DCP1A: variants seen among roughly 807,000 people sequenced by gnomAD.
DCP1A encodes decapping mRNA 1A.
DCP1A carries 20 observed loss-of-function variants against 58.0 expected under a neutral mutation model. The ratio of observed to expected loss-of-function variants is 0.34; its 90% confidence interval spans 0.24 to 0.50. The LOEUF is 0.50. Ranked by LOEUF, DCP1A falls within the 20% of genes least tolerant of loss-of-function variation. The probability of loss-of-function intolerance (pLI) is 0.98; values close to 1 mark genes in which losing one functional copy is unlikely to be tolerated. For synonymous variants in DCP1A, 285 were observed against 275.1 expected, an observed-to-expected ratio of 1.04 and a Z score of -0.36; for missense variants, 613 against 712.2, an observed-to-expected ratio of 0.86 and a Z score of 1.59.
At chr3:53,290,071 T>C (rs572732060) in intron 8 of DCP1A, among the ~76,000 whole-genome samples, 1 of 152,118 alleles carries the variant, frequency 6.6e-6, no homozygotes. Flanking sequence ...CAGAAGCTGG[T>C]TCCCATTTAA....
chr3:53,330,385 C>T (rs1055220451), intron 3 of DCP1A, among the ~76,000 whole-genome samples: 1 of 151,928 alleles, frequency 6.6e-6, no homozygotes, highest in African/African-American at 2.4e-5. Context: ...TTTGCAGAGA[C>T]CCTATCTCTA....
At chr3:53,301,830 T>C (rs2106815945) in intron 6 of DCP1A, among the ~76,000 whole-genome samples, 1 of 152,346 alleles carries the variant, frequency 6.6e-6, no homozygotes. Flanking sequence ...TCAGGAATTA[T>C]GCTGAGTGAA....
At chr3:53,339,862 A>G (rs573372052) in intron 3 of DCP1A, among the ~76,000 whole-genome samples, 74 of 152,328 alleles carry the variant, frequency 4.9e-4, no homozygotes, top group African/African-American at 1.7e-3. Context: ...TAAAGAACAG[A>G]ATTAAGCCTA....
intron 3 of DCP1A, among the ~76,000 whole-genome samples, chr3:53,323,934 G>C (rs1708042505): frequency 6.7e-6 from 1 of 149,650 alleles, no homozygotes; most frequent in Non-Finnish European, 1.5e-5. Context: ...AATTTTTTCT[G>C]TGCTAAACAG....
intron 5 of DCP1A, among the ~76,000 whole-genome samples, chr3:53,308,862 A>G (rs1490047926): frequency 1.3e-5 from 2 of 152,158 alleles, no homozygotes; most frequent in Non-Finnish European, 2.9e-5. Context: ...CGGCCTCCCA[A>G]GGTGCTGGAA....
intron 5 of DCP1A, among the ~76,000 whole-genome samples, chr3:53,309,117 A>G (rs1707568329): frequency 6.6e-6 from 1 of 152,148 alleles, no homozygotes. Context: ...CACGCCTGTA[A>G]TCCCAGGACT....
chr3:53,311,281 T>C (rs1707635786), intron 5 of DCP1A, among the ~76,000 whole-genome samples: 1 of 152,176 alleles, frequency 6.6e-6, no homozygotes, highest in Admixed American at 6.5e-5. Context: ...AAGCACTTAA[T>C]TCAATATTTA....
chr3:53,316,222 T>C (rs1277197689), intron 4 of DCP1A, among the ~76,000 whole-genome samples: 1 of 152,184 alleles, frequency 6.6e-6, no homozygotes, highest in Non-Finnish European at 1.5e-5. Context: ...GAGGTGATAT[T>C]CTCAAATATG....
chr3:53,335,724 T>A (rs1466299898), intron 3 of DCP1A, among the ~76,000 whole-genome samples: 1 of 152,258 alleles, frequency 6.6e-6, no homozygotes, highest in Non-Finnish European at 1.5e-5. Flanking sequence ...AATTAACTGT[T>A]GAATCCAAGT....
chr3:53,347,534 T>C lies in DCP1A; in HGVS notation c.-17A>G. The C allele has an allele frequency of 6.2e-7, 1 of 1,601,462 alleles. No individual in the cohort carries two copies. Among genetic ancestry groups the C allele is most frequent in the Non-Finnish European group, 8.5e-7 (1 of 1,174,334 alleles). On this transcript the variant is annotated 5_prime_UTR_variant, in exon 1 of 10. Coordinates refer to ENST00000610213, the MANE Select transcript of DCP1A (RefSeq NM_018403.7). ...CGCCTCCATCTTGAATCCCAGAGCC[T>C]AGCCCCTCTGGTGGGGGCGGAGTCG...
At chr3:53,326,638 G>A (rs1320779350) in intron 3 of DCP1A, among the ~76,000 whole-genome samples, 19 of 152,160 alleles carry the variant, frequency 1.2e-4, no homozygotes, top group Non-Finnish European at 1.5e-5. Flanking sequence ...ACATACGAGG[G>A]ATCTAGATTG....
In DCP1A at chr3:53,297,574, T is replaced by C. The variant is rs1707172675; in HGVS notation, c.625-4747A>G. On this transcript the variant is annotated intron_variant, in intron 6 of 9. Transcript: ENST00000610213. ...TGGCATTTCACCATGTTGGCCAGGC[T>C]GTTCTTGAACTTCTGACCTCAGGTG... Among the ~76,000 whole-genome samples, 3 of 152,152 alleles carry C rather than the reference T, an allele frequency of 2.0e-5. No homozygotes were observed. The South Asian group carries it at 6.2e-4, about 32-fold the overall frequency.
chr3:53,346,882 G>T (rs2089298436), intron 1 of DCP1A, among the ~76,000 whole-genome samples: 1 of 150,638 alleles, frequency 6.6e-6, no homozygotes, highest in Admixed American at 6.6e-5. Context: ...CTCCTTCCAA[G>T]AATCGAAACT....
Position 53,347,434 on chromosome 3 carries a change from G to A in DCP1A, c.84C>T (p.Asp28=). The A allele has an allele frequency of 6.2e-7, 1 of 1,613,610 alleles. No individual in the cohort carries two copies. Among genetic ancestry groups the A allele is most frequent in the South Asian group, 1.1e-5 (1 of 91,080 alleles). The change falls in exon 1 of 10, where the codon GAC becomes GAT. Residue 28 remains aspartate (D), a synonymous_variant. Coordinates refer to ENST00000610213, the MANE Select transcript of DCP1A (RefSeq NM_018403.7). ...QHDPYITSIA[D]LTGQVALYTF... ...TGTACAGAGCGACCTGGCCCGTGAG[G>A]TCTGCGATGCTGGTGATATAGGGGT...
Position 53,344,900 on chromosome 3 carries a change from A to T in DCP1A, c.176+2T>A. On this transcript the variant is annotated splice_donor_variant, in intron 2 of 9. Coordinates refer to ENST00000610213, the MANE Select transcript of DCP1A (RefSeq NM_018403.7). LOFTEE classifies it high-confidence loss of function. ...ACAAATATACATATTTTAAAAACTT[A>T]CCTTCGATATACGAATAAGGTCCCT... The T allele has an allele frequency of 6.3e-7, 1 of 1,592,912 alleles. No homozygotes were observed. Among genetic ancestry groups the T allele is most frequent in the East Asian group, 2.2e-5 (1 of 44,644 alleles).
At chr3:53,333,016 T>A (rs1302860925) in intron 3 of DCP1A, 2 of 152,066 alleles carry the variant, frequency 1.3e-5, no homozygotes, top group African/African-American at 4.8e-5. Flanking sequence ...TTGAAAAAAA[T>A]GTAAATTCTC....
intron 2 of DCP1A, among the ~76,000 whole-genome samples, chr3:53,343,481 A>G (rs1023872919): frequency 3.9e-5 from 6 of 152,246 alleles, no homozygotes; most frequent in African/African-American, 7.2e-5. Flanking sequence ...CCTCTGTATG[A>G]TAACAATAAA....
At chr3:53,304,105 C>T (rs1707392612) in intron 6 of DCP1A, 72 bp downstream of exon 6, 1 of 1,112,076 alleles carries the variant, frequency 9.0e-7, no homozygotes, top group Non-Finnish European at 1.3e-6. Flanking sequence ...ATCAAACTTG[C>T]ACTCATTAGA....
intron 3 of DCP1A, among the ~76,000 whole-genome samples, chr3:53,332,004 G>C (rs782107716): frequency 3.3e-5 from 5 of 152,238 alleles, no homozygotes; most frequent in Non-Finnish European, 7.3e-5. Context: ...CAACCTAATA[G>C]TGAGGTATGT....
Sources: allele counts gnomAD v4.1 joint callset (sites outside exome capture counted in the v4.1 genomes callset), GRCh38; gene constraint gnomAD v4.1.1; transcripts MANE v1.5; gene names NCBI Gene and HGNC (gene_info 2026-07-23, HGNC 2026-07-21).